Variants in PANK1 observed in about 807,000 individuals in gnomAD.
The protein encoded by PANK1 is pantothenate kinase 1, also known as pantothenic acid kinase 1.
Under a neutral mutation model 40.1 loss-of-function variants are expected in PANK1, and 18 were observed. The observed-to-expected ratio is 0.45, with a 90% CI of 0.31 to 0.67. The LOEUF (loss-of-function observed/expected upper bound fraction) is 0.67, where lower values mean the gene tolerates loss of function less well. Ranked by LOEUF, PANK1 falls within the 30% of genes least tolerant of loss-of-function variation. The pLI, the probability that PANK1 is intolerant of heterozygous loss-of-function variation, is 0.06. For missense variants in PANK1, 457 were observed against 599.6 expected (o/e 0.76, Z 2.48); for synonymous variants, 242 against 237.7 (o/e 1.02, Z -0.17).
In PANK1 at chr10:89,635,441, T is replaced by G. The variant is rs182214421; in HGVS notation, c.292+9159A>C. 9.1e-4 allele frequency among the ~76,000 whole-genome samples: 138 copies of G among 152,240 alleles called. 1 individual carries two copies. The highest frequency in any genetic ancestry group is 1.1e-3 in the Non-Finnish European group (75 of 68,016). ...GCCTCAAACCCTTTTATAATGGCAT[T>G]AATCATTCATGGGGATGGTGCCCTC... On this transcript the variant is annotated intron_variant, in intron 1 of 6. Transcript: ENST00000307534.
intron 3 of PANK1, among the ~76,000 whole-genome samples, chr10:89,595,601 C>T (rs1299449056): frequency 1.3e-5 from 2 of 151,312 alleles, no homozygotes; most frequent in Non-Finnish European, 2.9e-5. Context: ...GGGTGGATCA[C>T]CTGAGGTCAG....
chr10:89,621,284 A>G (rs1845477082), intron 1 of PANK1, among the ~76,000 whole-genome samples: 1 of 150,726 alleles, frequency 6.6e-6, no homozygotes, highest in Non-Finnish European at 1.5e-5. Context: ...CTGGGCAATA[A>G]GAGCACAAAC....
chr10:89,603,709 G>A (rs1167301030), intron 2 of PANK1, among the ~76,000 whole-genome samples: 1 of 152,136 alleles, frequency 6.6e-6, no homozygotes, highest in East Asian at 1.9e-4. Flanking sequence ...GGTACAGTGG[G>A]GTTCTCAAAC....
intron 1 of PANK1, among the ~76,000 whole-genome samples, 156 bp from the exon 2 acceptor site, chr10:89,612,204 CACAG>C (rs1446301049): frequency 2.0e-5 from 3 of 152,158 alleles, no homozygotes; most frequent in Admixed American, 6.5e-5. Context: ...TAAAAGGTGG[CACAG>C]ACAGAGAAAA....
chr10:89,591,979 C>T (rs1036260677), intron 5 of PANK1, among the ~76,000 whole-genome samples: 5 of 152,200 alleles, frequency 3.3e-5, no homozygotes, highest in African/African-American at 9.7e-5. Flanking sequence ...CCCATGAGTA[C>T]AGCCAACTAC....
At chr10:89,639,069 GTC>G (rs1412176351) in intron 1 of PANK1, 16 of 273,764 alleles carry the variant, frequency 5.8e-5, no homozygotes, top group South Asian at 1.7e-4. Context: ...CCAGTTTTCT[GTC>G]TTTGTCCAGT....
intron 6 of PANK1, among the ~76,000 whole-genome samples, chr10:89,588,259 G>T (rs985108493): frequency 6.6e-6 from 1 of 152,080 alleles, no homozygotes; most frequent in Non-Finnish European, 1.5e-5. Flanking sequence ...GTTATTGTGA[G>T]TAGTGCTGCA....
intron 2 of PANK1, among the ~76,000 whole-genome samples, 160 bp from the exon 3 acceptor site, chr10:89,599,665 G>A (rs150146366): frequency 2.2e-4 from 33 of 152,276 alleles, no homozygotes; most frequent in African/African-American, 7.9e-4. Flanking sequence ...CCACTGCACT[G>A]GAAAAGTAGC....
At chr10:89,589,066 C>A (rs1046683636) in intron 5 of PANK1, among the ~76,000 whole-genome samples, 2 of 152,092 alleles carry the variant, frequency 1.3e-5, no homozygotes, top group African/African-American at 4.8e-5. Context: ...TCAAAACATA[C>A]GTATATATAC....
chr10:89,640,950 T>G (rs1018591210), intron 1 of PANK1, among the ~76,000 whole-genome samples: 7 of 152,248 alleles, frequency 4.6e-5, no homozygotes, highest in African/African-American at 1.7e-4. Context: ...GTATGCTTAA[T>G]AGAATCCTGA....
intron 6 of PANK1, 130 bp downstream of exon 6, chr10:89,588,522 G>T: frequency 1.7e-6 from 1 of 586,624 alleles, no homozygotes; most frequent in Non-Finnish European, 2.8e-6. Context: ...CTTATCCTTT[G>T]TGTAAATGCA....
At chr10:89,596,794 G>A (rs1157786354) in intron 3 of PANK1, among the ~76,000 whole-genome samples, 1 of 152,212 alleles carries the variant, frequency 6.6e-6, no homozygotes, top group Non-Finnish European at 1.5e-5. Flanking sequence ...AAGTGCTCAT[G>A]CCCTTAAAAC....
chr10:89,631,976 G>GTGTGTGTGTT (rs199540491), intron 1 of PANK1, among the ~76,000 whole-genome samples: 202 of 143,328 alleles, frequency 1.4e-3, no homozygotes, highest in Non-Finnish European at 2.4e-3. Context: ...GTGTGTGTGT[G>GTGTGTGTGTT]TTTTTTTTTT....
intron 1 of PANK1, among the ~76,000 whole-genome samples, chr10:89,638,712 A>G (rs1841892889): frequency 6.6e-6 from 1 of 152,200 alleles, no homozygotes; most frequent in Non-Finnish European, 1.5e-5. Flanking sequence ...TTGCCACTTC[A>G]TAACAAGGCT....
chr10:89,612,419 G>A (rs183495878), intron 1 of PANK1, among the ~76,000 whole-genome samples: 1 of 152,222 alleles, frequency 6.6e-6, no homozygotes, highest in Non-Finnish European at 1.5e-5. Flanking sequence ...CATACATCCT[G>A]GATCCCAATT....
chr10:89,615,190 G>C (rs1254211737), intron 1 of PANK1, among the ~76,000 whole-genome samples: 1 of 152,154 alleles, frequency 6.6e-6, no homozygotes, highest in Non-Finnish European at 1.5e-5. Context: ...GAAAATAGGA[G>C]ATACTTCCGC....
intron 1 of PANK1, among the ~76,000 whole-genome samples, chr10:89,637,991 C>T (rs1207072763): frequency 1.3e-5 from 2 of 151,904 alleles, no homozygotes; most frequent in Non-Finnish European, 2.9e-5. Context: ...CACACATTAA[C>T]CTAGGTCTAC....
At chr10:89,603,091 G>A (rs969126227) in intron 2 of PANK1, among the ~76,000 whole-genome samples, 1 of 152,168 alleles carries the variant, frequency 6.6e-6, no homozygotes, top group African/African-American at 2.4e-5. Flanking sequence ...ATATGCAAAT[G>A]AAGCTTCAGG....
intron 1 of PANK1, among the ~76,000 whole-genome samples, chr10:89,618,491 T>A (rs1239282395): frequency 6.6e-6 from 1 of 152,134 alleles, no homozygotes; most frequent in Non-Finnish European, 1.5e-5. Flanking sequence ...TTTGGGGCAG[T>A]CTCCTTTGGG....
Sources: allele counts gnomAD v4.1 joint callset (sites outside exome capture counted in the v4.1 genomes callset), GRCh38; gene constraint gnomAD v4.1.1; transcripts MANE v1.5; gene names NCBI Gene and HGNC (gene_info 2026-07-23, HGNC 2026-07-21).